Variants in NLGN2 observed in about 807,000 individuals in gnomAD.
NLGN2 encodes the protein neuroligin 2.
NLGN2 carries 11 observed loss-of-function variants against 48.6 expected under a neutral mutation model. The observed-to-expected ratio is 0.23, with a 90% CI of 0.14 to 0.37. The LOEUF is 0.37. Ranked by LOEUF, NLGN2 falls within the 10% of genes least tolerant of loss-of-function variation. NLGN2 has a pLI of 1.00. For missense variants in NLGN2, 801 were observed against 1,225.2 expected, an observed-to-expected ratio of 0.65 and a Z score of 5.17; for synonymous variants, 548 against 550.0, an observed-to-expected ratio of 1.00 and a Z score of 0.05.
At position 7,417,978 on chromosome 17, in the gene NLGN2, GTCTCT is replaced by G; in HGVS notation, c.*185_*189del. 2.1e-6 allele frequency: 1 copy of G among 476,388 alleles called. No homozygotes were observed. The highest frequency in any genetic ancestry group is 2.0e-5 in the African/African-American group (1 of 50,028). 29.5% of individuals were successfully genotyped at this position (476,388 alleles called of 1,614,324 possible). A position where few individuals can be genotyped will look rare whatever the true frequency, so the allele number is the denominator to read the frequency against. ...TGTCTTTCCCACGCAGAGAAGCCCA[GTCTCT>G]TCTCTGGATCTGGGCCTTTGAACAA... On this transcript the variant is annotated 3_prime_UTR_variant, in exon 7 of 7. Transcript: ENST00000302926.
chr17:7,417,439 C>A lies in NLGN2; in HGVS notation c.2148C>A (p.Gly716=), dbSNP rs145673268. 7 of 1,593,458 alleles carry A rather than the reference C, an allele frequency of 4.4e-6. No homozygotes were observed. Among genetic ancestry groups the A allele is most frequent in the Non-Finnish European group, 5.1e-6 (6 of 1,172,452 alleles). The stretch of plus-strand genomic sequence containing the variant: ...GGTGCAGGCGGCTTAGCCCACCTGG[C>A]GGCTCAGGCTCTGGCGTGCCTGGTG... ...ELRCRRLSPP[G]GSGSGVPGGG... is the part of the protein sequence containing the mutation. Residue 716 remains glycine (G), a synonymous_variant, in exon 7 of 7, where the codon GGC becomes GGA. Coordinates refer to ENST00000302926, the MANE Select transcript of NLGN2 (RefSeq NM_020795.4).
intron 5 of NLGN2, 34 bp from the exon 6 acceptor site, chr17:7,415,477 A>T: frequency 6.3e-7 from 1 of 1,586,360 alleles, no homozygotes. Flanking sequence ...GAGGCCAGTG[A>T]GCAGGTGGTG....
At position 7,411,189 on chromosome 17, in the gene NLGN2, G is replaced by C. The variant is rs940955037; in HGVS notation, c.458-968G>C. Reference sequence around the variant, plus strand: ...GCTGGCTCAGGGCACTGTGTTCCTCGTTCCCTATCTGTGGACTGAACCACC... The same window carrying C: ...GCTGGCTCAGGGCACTGTGTTCCTCCTTCCCTATCTGTGGACTGAACCACC... On this transcript the variant is annotated intron_variant, in intron 1 of 6. Coordinates refer to ENST00000302926, the MANE Select transcript of NLGN2 (RefSeq NM_020795.4). This position sits in a 1 kb window ranked among gnomAD's most constrained non-coding sequence, Gnocchi z 4.5. Among the ~76,000 whole-genome samples the C allele has an allele frequency of 5.9e-5, 9 of 152,232 alleles. No individual in the cohort carries two copies. Among genetic ancestry groups the C allele is most frequent in the Non-Finnish European group, 8.8e-5 (6 of 68,044 alleles).
rs1418281323 is a variant in NLGN2, at chr17:7,408,328, G to T, written c.73G>T (p.Ala25Ser). 7.1e-7 allele frequency: 1 copy of T among 1,411,762 alleles called. No individual in the cohort carries two copies. Among genetic ancestry groups the T allele is most frequent in the Non-Finnish European group, 9.2e-7 (1 of 1,091,386 alleles). The allele number at this position is 1,411,762 out of a possible 1,614,324, so 87.5% of individuals were successfully genotyped here. ...QRGGGGPGGG[A>S]PGGPGLGLGS... ...CGGGGGAGGGGGTCCCGGCGGCGGC[G>T]CCCCGGGCGGCCCCGGCCTGGGCCT... The change falls in exon 1 of 7, where the codon GCC becomes TCC. Residue 25 changes from alanine (A) to serine (S), a missense_variant. This residue lies in a region of NLGN2 where 164 missense variants were observed against 186.2 expected (regional missense o/e 0.88). Coordinates refer to ENST00000302926, the MANE Select transcript of NLGN2 (RefSeq NM_020795.4). The surrounding 1 kb of genome is among the most constrained non-coding windows in gnomAD (Gnocchi z 7.5).
chr17:7,417,595 C>G lies in NLGN2; in HGVS notation c.2304C>G (p.Asp768Glu). Reference sequence around the variant, plus strand: ...CTCTGCGCCCTGCCTGCCCGCCCGACTACACCCTGGCCCTGCGCCGGGCAC... The same window carrying G: ...CTCTGCGCCCTGCCTGCCCGCCCGAGTACACCCTGGCCCTGCGCCGGGCAC... Reference protein sequence around the residue: ...AEALRPACPPDYTLALRRAPD... With the variant: ...AEALRPACPPEYTLALRRAPD... Residue 768 changes from aspartate (D) to glutamate (E), a missense_variant, in exon 7 of 7, where the codon GAC becomes GAG. Asp to Glu is a conservative substitution (Grantham distance 45). Around this residue, in one of 5 missense-constraint regions of NLGN2, gnomAD observed 276 missense variants for 313.9 expected, o/e 0.88. Transcript: ENST00000302926. 1 of 1,430,894 alleles carries G rather than the reference C, an allele frequency of 7.0e-7. No individual in the cohort carries two copies. The allele number at this position is 1,430,894 out of a possible 1,614,324, so 88.6% of individuals were successfully genotyped here.
Position 7,408,472 on chromosome 17 carries a change from C to A in NLGN2, c.217C>A (p.Pro73Thr). 6.5e-7 allele frequency: 1 copy of A among 1,539,486 alleles called. No individual in the cohort carries two copies. The change falls in exon 1 of 7, where the codon CCC becomes ACC. Residue 73 changes from proline to threonine, a missense_variant. This residue lies in a region of NLGN2 where 164 missense variants were observed against 186.2 expected (regional missense o/e 0.88). Coordinates refer to ENST00000302926, the MANE Select transcript of NLGN2 (RefSeq NM_020795.4). This position sits in a 1 kb window ranked among gnomAD's most constrained non-coding sequence, Gnocchi z 7.5. ...LGPVVQFLGV[P>T]YATPPLGARR... ...CCCCGTCGTGCAGTTCTTGGGCGTG[C>A]CCTACGCCACGCCGCCCCTGGGCGC...
rs1380467991 is a variant in NLGN2, at chr17:7,408,214, G to T, written c.-42G>T. ...TCCCCCCCTTCTCTCTCTCTCCGAGGGGGGGGGGTCCCAGGGAGGGAGGGG... is the reference window on the plus strand; with the variant it reads ...TCCCCCCCTTCTCTCTCTCTCCGAGTGGGGGGGGTCCCAGGGAGGGAGGGG... On this transcript the variant is annotated 5_prime_UTR_variant, in exon 1 of 7. Transcript: ENST00000302926. The surrounding 1 kb of genome is among the most constrained non-coding windows in gnomAD (Gnocchi z 7.5). 1.8e-5 allele frequency: 19 copies of T among 1,070,576 alleles called. No individual in the cohort carries two copies. In the South Asian group the frequency reaches 2.1e-4, roughly 12 times the overall value. The allele number at this position is 1,070,576 out of a possible 1,614,324, so 66.3% of individuals were successfully genotyped here.
At chr17:7,405,371 C>T (rs1347920244), upstream of NLGN2, 2 of 152,340 alleles carry the variant, frequency 1.3e-5, no homozygotes, top group Non-Finnish European at 2.9e-5. This position sits in a 1 kb window ranked among gnomAD's most constrained non-coding sequence, Gnocchi z 6.8. Flanking sequence ...TGCGGGGTTC[C>T]CTGTTCTCGG....
At chr17:7,416,772 CATCT>C (rs1907116062) in intron 6 of NLGN2, among the ~76,000 whole-genome samples, 150 bp from the exon 7 acceptor site, 1 of 152,228 alleles carries the variant, frequency 6.6e-6, no homozygotes, top group South Asian at 2.1e-4. Context: ...TCTTCATATC[CATCT>C]GTGTCTCTCT....
In NLGN2 at chr17:7,418,029, C is replaced by A. The variant is rs1279988020; in HGVS notation, c.*230C>A. 5 of 354,234 alleles carry A rather than the reference C, an allele frequency of 1.4e-5. No individual in the cohort carries two copies. The highest frequency in any genetic ancestry group is 1.0e-4 in the African/African-American group (5 of 47,672). The allele number at this position is 354,234 out of a possible 1,614,324, so 21.9% of individuals were successfully genotyped here. A position where few individuals can be genotyped will look rare whatever the true frequency, so the allele number is the denominator to read the frequency against. On this transcript the variant is annotated 3_prime_UTR_variant, in exon 7 of 7. Transcript: ENST00000302926. ...AACAACTGGGGGGCGTTTTCTCCCCCCCATTGGGACACCAGTCTTCGGTGT... is the reference window on the plus strand; with the variant it reads ...AACAACTGGGGGGCGTTTTCTCCCCACCATTGGGACACCAGTCTTCGGTGT...
upstream of NLGN2, among the ~76,000 whole-genome samples, chr17:7,407,284 C>T (rs1906685195): frequency 6.6e-6 from 1 of 152,170 alleles, no homozygotes; most frequent in Non-Finnish European, 1.5e-5. Context: ...GATCACGCAT[C>T]TGTCCCTGGA....
intron 2 of NLGN2, among the ~76,000 whole-genome samples, chr17:7,412,483 G>GA (rs919580703): frequency 6.6e-6 from 1 of 152,070 alleles, no homozygotes; most frequent in Non-Finnish European, 1.5e-5. Context: ...TGGAATGTCA[G>GA]AAAAATAAAA....
chr17:7,414,307 G>T, intron 2 of NLGN2, 37 bp from the exon 3 acceptor site: 2 of 1,502,154 alleles, frequency 1.3e-6, no homozygotes, highest in Non-Finnish European at 8.9e-7. Context: ...CCTTGTCCCT[G>T]ACCCCCTGGC....
At chr17:7,407,653 C>T (rs141022792), upstream of NLGN2, among the ~76,000 whole-genome samples, 974 of 152,246 alleles carry the variant, frequency 6.4e-3, 11 homozygotes, top group African/African-American at 0.022. Context: ...CTGAGGAGAA[C>T]CTGCCTGGGA....
At position 7,408,491 on chromosome 17, in the gene NLGN2, T is replaced by C; in HGVS notation, c.236T>C (p.Leu79Pro). ...GGCGTGCCCTACGCCACGCCGCCCC[T>C]GGGCGCCCGCCGCTTCCAGCCGCCT... ...FLGVPYATPP[L>P]GARRFQPPEA... The change falls in exon 1 of 7, where the codon CTG (leucine) becomes CCG (proline). Residue 79 changes from leucine (L) to proline (P), a missense_variant. Leu to Pro is a moderately conservative substitution (Grantham distance 98). This residue lies in a region of NLGN2 where 164 missense variants were observed against 186.2 expected (regional missense o/e 0.88). Coordinates refer to ENST00000302926, the MANE Select transcript of NLGN2 (RefSeq NM_020795.4). The surrounding 1 kb of genome is among the most constrained non-coding windows in gnomAD (Gnocchi z 7.5). The C allele has an allele frequency of 6.7e-7, 1 of 1,490,386 alleles. No individual in the cohort carries two copies. The highest frequency in any genetic ancestry group is 8.9e-7 in the Non-Finnish European group (1 of 1,124,274). 92.3% of individuals were successfully genotyped at this position (1,490,386 alleles called of 1,614,324 possible).
chr17:7,414,548 T>G lies in NLGN2; in HGVS notation c.658+55T>G, dbSNP rs1474160007. ...GGGGGAGTCTGGGAGGTGGGCCTGG[T>G]GGGCAGGGTTCCTCCACATCCAGCA... On this transcript the variant is annotated intron_variant, in intron 3 of 6. Coordinates refer to ENST00000302926, the MANE Select transcript of NLGN2 (RefSeq NM_020795.4). 5 of 1,611,220 alleles carry G rather than the reference T, an allele frequency of 3.1e-6. No homozygotes were observed. The Admixed American group carries it at 8.3e-5, about 27-fold the overall frequency.
rs1314430664 is a variant in NLGN2, at chr17:7,408,339, C to T, written c.84C>T (p.Gly28=). 3.3e-5 allele frequency: 48 copies of T among 1,464,204 alleles called. No individual in the cohort carries two copies. Among genetic ancestry groups the T allele is most frequent in the Non-Finnish European group, 4.3e-5 (48 of 1,111,668 alleles). 90.7% of individuals were successfully genotyped at this position (1,464,204 alleles called of 1,614,324 possible). The part of the protein sequence containing the change: ...GGGPGGGAPG[G]PGLGLGSLGE... The stretch of plus-strand genomic sequence containing the variant: ...GTCCCGGCGGCGGCGCCCCGGGCGG[C>T]CCCGGCCTGGGCCTCGGCAGCCTCG... The change falls in exon 1 of 7, where the codon GGC becomes GGT. Residue 28 remains glycine, a synonymous_variant. Transcript: ENST00000302926. This position sits in a 1 kb window ranked among gnomAD's most constrained non-coding sequence, Gnocchi z 7.5.
chr17:7,410,549 C>T (rs1906839997), intron 1 of NLGN2, among the ~76,000 whole-genome samples: 1 of 152,120 alleles, frequency 6.6e-6, no homozygotes, highest in Non-Finnish European at 1.5e-5. Flanking sequence ...ACTCCCTACT[C>T]TCACACAGGC....
chr17:7,414,875 A>G (rs1475918860), intron 4 of NLGN2, 27 bp downstream of exon 4: 4 of 1,613,226 alleles, frequency 2.5e-6, no homozygotes, highest in African/African-American at 1.3e-5. Context: ...AGCCTGTTCC[A>G]CCCTTCCCAA....
Sources: gnomAD v4.1 joint callset for allele counts (sites outside exome capture counted in the v4.1 genomes callset) on GRCh38, gnomAD v4.1.1 for gene constraint, gnomAD v4.1.1 regional missense constraint, Gnocchi (gnomAD v3.1) non-coding constraint, MANE v1.5 for transcripts, NCBI Gene and HGNC (gene_info 2026-07-23, HGNC 2026-07-21) for gene names.